Variants in TPD52L1 observed in about 807,000 individuals in gnomAD.
TPD52L1 encodes the protein tumor protein D53.
TPD52L1 carries 18 observed loss-of-function variants against 28.7 expected under a neutral mutation model. The observed-to-expected ratio is 0.63, with a 90% CI of 0.43 to 0.93. The LOEUF (loss-of-function observed/expected upper bound fraction) is 0.93. TPD52L1 is among the 40% of genes least tolerant of loss of function. The pLI, the probability that TPD52L1 is intolerant of heterozygous loss-of-function variation, is 0.00. For synonymous variants in TPD52L1, 75 were observed against 88.8 expected (o/e 0.84, Z 0.88); for missense variants, 203 against 254.8 (o/e 0.80, Z 1.39).
chr6:125,236,567 A>G (rs912991162), intron 3 of TPD52L1, among the ~76,000 whole-genome samples: 1 of 152,268 alleles, frequency 6.6e-6, no homozygotes, highest in African/African-American at 2.4e-5. Flanking sequence ...AAAGCTTAAA[A>G]GAAAATTAAA....
At chr6:125,193,097 A>AG (rs2114865885) in intron 1 of TPD52L1, among the ~76,000 whole-genome samples, 1 of 152,328 alleles carries the variant, frequency 6.6e-6, no homozygotes, top group South Asian at 2.1e-4. Flanking sequence ...TGAAGCATAG[A>AG]GAAGCTAACT....
rs1562411179 is a variant in TPD52L1 at position 125,260,995 on chromosome 6, AAAGAAAGAAAGAAAGAAAG to A, written c.487-1836_487-1818del. ...AAGAAAGAAAAGAAAAGAAAGAAAGAAAGAAAGAAAGAAAGAAAGAAAGAAAAGAAAAGAAAGAAAGAAA... is the reference window on the plus strand; with the variant it reads ...AAGAAAGAAAAGAAAAGAAAGAAAGAAAAGAAAAGAAAAGAAAGAAAGAAA... On this transcript the variant is annotated intron_variant, in intron 6 of 6. Transcript: ENST00000534000. The A allele has an allele frequency of 1.5e-3, 67 of 43,652 alleles. 4 individuals are homozygous for A. In the Middle Eastern group the frequency reaches 0.033, roughly 22 times the overall value. The allele number at this position is 43,652 out of a possible 1,614,324, so 2.7% of individuals were successfully genotyped here.
chr6:125,192,953 C>T (rs1328487813), intron 1 of TPD52L1, among the ~76,000 whole-genome samples: 2 of 152,214 alleles, frequency 1.3e-5, no homozygotes, highest in South Asian at 2.1e-4. Context: ...TGATAATAAT[C>T]ATTGCTAACA....
intron 1 of TPD52L1, among the ~76,000 whole-genome samples, chr6:125,211,133 T>C (rs1266504294): frequency 6.6e-6 from 1 of 152,146 alleles, no homozygotes; most frequent in Non-Finnish European, 1.5e-5. Flanking sequence ...CTAAATAAAT[T>C]AGGGGACCAA....
intron 1 of TPD52L1, among the ~76,000 whole-genome samples, chr6:125,154,793 C>T (rs911901301): frequency 2.0e-5 from 3 of 152,162 alleles, no homozygotes; most frequent in African/African-American, 7.2e-5. Context: ...GGGAAGGAAA[C>T]GGACTCAGTG....
chr6:125,237,621 C>A (rs547671114), intron 3 of TPD52L1, among the ~76,000 whole-genome samples: 1 of 152,254 alleles, frequency 6.6e-6, no homozygotes, highest in South Asian at 2.1e-4. Flanking sequence ...TTCTGAATCA[C>A]AGTCCATAGT....
At chr6:125,260,869 AAAAG>A (rs1466403386) in intron 6 of TPD52L1, 14 of 150,628 alleles carry the variant, frequency 9.3e-5, no homozygotes, top group East Asian at 5.9e-4. Context: ...AGAAAGAAAG[AAAAG>A]AAAGAAAGAA....
chr6:125,251,116 A>ATT (rs201762002), intron 4 of TPD52L1, among the ~76,000 whole-genome samples: 1 of 152,102 alleles, frequency 6.6e-6, no homozygotes, highest in Admixed American at 6.5e-5. Flanking sequence ...TTTAAACTTA[A>ATT]TAAAAGACCT....
intron 1 of TPD52L1, among the ~76,000 whole-genome samples, chr6:125,211,538 C>T (rs766028891): frequency 2.0e-5 from 3 of 152,144 alleles, no homozygotes; most frequent in African/African-American, 4.8e-5. Context: ...GTATGACTTG[C>T]GTTTTATGAT....
At chr6:125,163,916 C>CAAAAAAAAAA (rs779811391) in intron 1 of TPD52L1, among the ~76,000 whole-genome samples, 2 of 73,176 alleles carry the variant, frequency 2.7e-5, no homozygotes, top group African/African-American at 4.9e-5. Context: ...CACTCTGTCT[C>CAAAAAAAAAA]AAAAAAAAAA....
At position 125,167,099 on chromosome 6, in the gene TPD52L1, A is replaced by G. The variant is rs373563274; in HGVS notation, c.19+13129A>G. ...TAGCAAGACCTCGTCTCTACTAAAA[A>G]TAATAATTTTTAAAAATTAGCCAGG... On this transcript the variant is annotated intron_variant, in intron 1 of 6. Transcript: ENST00000534000. Among the ~76,000 whole-genome samples, 76 of 152,198 alleles carry G rather than the reference A, an allele frequency of 5.0e-4. 1 individual carries two copies. The South Asian group carries it at 0.012, about 25-fold the overall frequency.
chr6:125,157,328 A>G (rs141839519), intron 1 of TPD52L1, among the ~76,000 whole-genome samples: 38 of 152,344 alleles, frequency 2.5e-4, no homozygotes, highest in African/African-American at 8.7e-4. Context: ...AACTTACTGC[A>G]CTAGAAACTT....
At chr6:125,218,975 A>C (rs1795054814) in intron 1 of TPD52L1, among the ~76,000 whole-genome samples, 2 of 152,218 alleles carry the variant, frequency 1.3e-5, no homozygotes, top group African/African-American at 4.8e-5. Flanking sequence ...TAGAATTCCC[A>C]GTTACCACCC....
Position 125,172,108 on chromosome 6 carries a change from CTTTCTTTCTTTCTTTCTTTCTTT to C in TPD52L1, c.19+18139_19+18161del, listed in dbSNP as rs1791369431. 8.8e-3 allele frequency among the ~76,000 whole-genome samples: 612 copies of C among 69,650 alleles called. 16 individuals are homozygous for C. Among genetic ancestry groups the C allele is most frequent in the African/African-American group, 0.03 (583 of 19,454 alleles). 45.7% of individuals were successfully genotyped at this position (69,650 alleles called of 152,430 possible). On this transcript the variant is annotated intron_variant, in intron 1 of 6. Transcript: ENST00000534000. ...TTTCTTTCTTTCTTTCCCTTTCTTT[CTTTCTTTCTTTCTTTCTTTCTTT>C]CTTTCTTTCTTTCTTTCTTTCTTTC...
intron 4 of TPD52L1, 92 bp downstream of exon 4, chr6:125,248,475 G>T: frequency 1.2e-6 from 1 of 858,710 alleles, no homozygotes. Flanking sequence ...CTCAACATAT[G>T]TATTTTTTTA....
intron 1 of TPD52L1, among the ~76,000 whole-genome samples, chr6:125,182,375 G>A (rs1046851161): frequency 1.3e-5 from 2 of 152,132 alleles, no homozygotes; most frequent in African/African-American, 4.8e-5. Flanking sequence ...TCGTGAGCTG[G>A]AGTCGTGAGC....
chr6:125,181,290 C>A (rs573850), intron 1 of TPD52L1, among the ~76,000 whole-genome samples: 1 of 151,890 alleles, frequency 6.6e-6, no homozygotes, highest in Non-Finnish European at 1.5e-5. Flanking sequence ...ACATAAGATA[C>A]TCACGCAGAA....
chr6:125,237,905 C>T (rs981333772), intron 3 of TPD52L1, among the ~76,000 whole-genome samples: 22 of 152,130 alleles, frequency 1.4e-4, no homozygotes, highest in African/African-American at 5.1e-4. Context: ...GGTGATCCAC[C>T]CTCCTCAGCC....
At chr6:125,206,642 C>T (rs181419071) in intron 1 of TPD52L1, among the ~76,000 whole-genome samples, 1 of 152,164 alleles carries the variant, frequency 6.6e-6, no homozygotes, top group Non-Finnish European at 1.5e-5. Context: ...GTGGAATCAC[C>T]ACTTACAGCC....
Sources: gnomAD v4.1 joint callset for allele counts (sites outside exome capture counted in the v4.1 genomes callset) on GRCh38, gnomAD v4.1.1 for gene constraint, MANE v1.5 for transcripts, NCBI Gene and HGNC (gene_info 2026-07-23, HGNC 2026-07-21) for gene names.